RP1: variants seen among roughly 807,000 people sequenced by gnomAD.
RP1 encodes the protein RP1 axonemal microtubule associated, also known as oxygen-regulated protein 1.
A neutral mutation model predicts 14.8 loss-of-function variants in RP1; 16 were observed. The ratio of observed to expected loss-of-function variants is 1.08; its 90% CI spans 0.73 to 1.65. The LOEUF (loss-of-function observed/expected upper bound fraction) is 1.65, where lower values mean the gene tolerates loss of function less well. Ranked by LOEUF, RP1 falls within the 40% of genes most tolerant of loss-of-function variation. The pLI, the probability that RP1 is intolerant of heterozygous loss-of-function variation, is 0.00. For synonymous variants in RP1, 876 were observed against 883.6 expected, an observed-to-expected ratio of 0.99 and a Z score of 0.15; for missense variants, 2,631 against 2,535.0, an observed-to-expected ratio of 1.04 and a Z score of -0.81.
intron 21 of RP1, among the ~76,000 whole-genome samples, chr8:54,757,304 T>A (rs78741240): frequency 0.023 from 3,450 of 152,280 alleles, 134 homozygotes; most frequent in African/African-American, 0.077. Flanking sequence ...ACAGACCAAA[T>A]TTAATTCTGT....
upstream of RP1, among the ~76,000 whole-genome samples, chr8:54,612,435 ACCAG>A (rs1805620859): frequency 6.6e-6 from 1 of 152,214 alleles, no homozygotes; most frequent in Admixed American, 6.5e-5. Flanking sequence ...ATTACAATTT[ACCAG>A]CCAAGCCTTC....
chr8:54,713,231 C>A (rs1808330700), intron 15 of RP1, among the ~76,000 whole-genome samples: 1 of 152,054 alleles, frequency 6.6e-6, no homozygotes, highest in South Asian at 2.1e-4. Flanking sequence ...GTTTCTGTTA[C>A]CATGAAATTT....
intron 4 of RP1, among the ~76,000 whole-genome samples, chr8:54,649,855 A>C: frequency 6.6e-6 from 1 of 152,204 alleles, no homozygotes; most frequent in East Asian, 1.9e-4. Context: ...TGTTTGGTTT[A>C]CTACAACCAC....
At chr8:54,612,535 A>G (rs1414265959), upstream of RP1, among the ~76,000 whole-genome samples, 2 of 152,206 alleles carry the variant, frequency 1.3e-5, no homozygotes, top group African/African-American at 4.8e-5. Context: ...TTTTTGTCCA[A>G]GTGGGGAGAT....
chr8:54,706,385 T>C (rs999177696), intron 14 of RP1: 2 of 1,505,384 alleles, frequency 1.3e-6, no homozygotes. Flanking sequence ...GTTGTCTCCC[T>C]CTAGCAAAAC....
At chr8:54,720,856 A>G (rs1029280363) in intron 16 of RP1, among the ~76,000 whole-genome samples, 2 of 152,222 alleles carry the variant, frequency 1.3e-5, no homozygotes, top group Non-Finnish European at 2.9e-5. Flanking sequence ...ACATTATTTA[A>G]ACATGTATTT....
chr8:54,657,418 A>G (rs1806778632), intron 6 of RP1, among the ~76,000 whole-genome samples: 2 of 152,118 alleles, frequency 1.3e-5, no homozygotes, highest in South Asian at 4.1e-4. Context: ...TTTTCTTTTC[A>G]GTTTCAGGAC....
chr8:54,857,036 T>A, exon 27 of RP1: 1 of 1,170,664 alleles, frequency 8.5e-7, no homozygotes, highest in Non-Finnish European at 1.1e-6. Flanking sequence ...AGGTTGATAT[T>A]TTTTCCATTA....
intron 15 of RP1, among the ~76,000 whole-genome samples, chr8:54,719,868 A>C (rs566318483): frequency 6.6e-6 from 1 of 152,046 alleles, no homozygotes; most frequent in Non-Finnish European, 1.5e-5. Flanking sequence ...CATATACAAC[A>C]CTCTCCTTAG....
At chr8:54,706,667 C>T in intron 15 of RP1, 1 of 1,535,128 alleles carries the variant, frequency 6.5e-7, no homozygotes, top group East Asian at 2.4e-5. Flanking sequence ...TAAGCATCTG[C>T]TCTTGTTTCT....
chr8:54,673,999 T>G, intron 8 of RP1: 1 of 1,190,390 alleles, frequency 8.4e-7, no homozygotes, highest in South Asian at 1.4e-5. Flanking sequence ...TGTTCAAATC[T>G]AGAAAATACT....
intron 15 of RP1, among the ~76,000 whole-genome samples, chr8:54,712,243 G>A (rs1808307646): frequency 6.6e-6 from 1 of 152,128 alleles, no homozygotes; most frequent in African/African-American, 2.4e-5. Context: ...AGTTTCTATG[G>A]CCCACTTCAG....
chr8:54,725,486 A>G (rs1808631848), intron 16 of RP1, among the ~76,000 whole-genome samples: 1 of 152,184 alleles, frequency 6.6e-6, no homozygotes, highest in Non-Finnish European at 1.5e-5. Context: ...CCAGTATTGT[A>G]TAGTCTGCAC....
At chr8:54,680,907 G>A (rs1807411953) in intron 12 of RP1, among the ~76,000 whole-genome samples, 3 of 151,000 alleles carry the variant, frequency 2.0e-5, no homozygotes, top group Non-Finnish European at 2.9e-5. Flanking sequence ...GCAGTGAGCC[G>A]AGATAGAGCC....
chr8:54,682,962 A>ATT (rs1807472350), intron 12 of RP1, among the ~76,000 whole-genome samples: 1 of 151,948 alleles, frequency 6.6e-6, no homozygotes, highest in East Asian at 1.9e-4. Flanking sequence ...ATTCATCTTG[A>ATT]GTTAATTTGT....
intron 13 of RP1, chr8:54,701,401 AC>A (rs1473564586): frequency 9.3e-6 from 10 of 1,079,534 alleles, no homozygotes; most frequent in Admixed American, 7.6e-5. Context: ...AATGAAGTAG[AC>A]ACCTGTATAT....
At chr8:54,731,397 A>G (rs1808791088) in intron 17 of RP1, among the ~76,000 whole-genome samples, 1 of 152,158 alleles carries the variant, frequency 6.6e-6, no homozygotes, top group Admixed American at 6.5e-5. Context: ...TCCCCATTAA[A>G]TATTCTCCTA....
At chr8:54,706,804 C>T (rs940798930) in intron 15 of RP1, 2 of 750,936 alleles carry the variant, frequency 2.7e-6, no homozygotes, top group Admixed American at 2.3e-5. Context: ...GTGAGGAGAG[C>T]AGCCACATGC....
downstream of RP1, among the ~76,000 whole-genome samples, chr8:54,774,013 G>T (rs771105804): frequency 1.2e-4 from 19 of 152,284 alleles, no homozygotes; most frequent in Middle Eastern, 6.8e-3. Flanking sequence ...TCTGCTCAAA[G>T]AAAGAAAATT....
Sources: gnomAD v4.1 joint callset for allele counts (sites outside exome capture counted in the v4.1 genomes callset) on GRCh38, gnomAD v4.1.1 for gene constraint, MANE v1.5 for transcripts, NCBI Gene and HGNC (gene_info 2026-07-23, HGNC 2026-07-21) for gene names.